The following NAALADL2 variants were observed in gnomAD, a reference collection of about 807,000 sequenced individuals.
The protein encoded by NAALADL2 is N-acetylated alpha-linked acidic dipeptidase like 2, also known as inactive N-acetylated-alpha-linked acidic dipeptidase-like protein 2.
A neutral mutation model predicts 87.2 loss-of-function variants in NAALADL2; 76 were observed. That is an observed-to-expected ratio of 0.87 (90% CI 0.72 to 1.05). The LOEUF (loss-of-function observed/expected upper bound fraction) is 1.05. Among genes scored for constraint, NAALADL2 ranks in the 50% least tolerant of loss-of-function variants. The pLI, the probability that NAALADL2 is intolerant of heterozygous loss-of-function variation, is 0.00. For missense variants in NAALADL2, 1,089 were observed against 945.8 expected, an observed-to-expected ratio of 1.15 and a Z score of -1.99; for synonymous variants, 354 against 331.0, an observed-to-expected ratio of 1.07 and a Z score of -0.75.
intron 5 of NAALADL2, among the ~76,000 whole-genome samples, chr3:175,346,687 G>A (rs1164444930): frequency 2.0e-5 from 3 of 152,060 alleles, no homozygotes; most frequent in South Asian, 2.1e-4. Flanking sequence ...TGTGTGCTAC[G>A]CTTAAAATCA....
At chr3:175,263,571 G>A (rs1366191687) in intron 4 of NAALADL2, among the ~76,000 whole-genome samples, 1 of 151,834 alleles carries the variant, frequency 6.6e-6, no homozygotes, top group Non-Finnish European at 1.5e-5. Flanking sequence ...GTATCAGAAG[G>A]TTGATTTTCG....
chr3:175,704,846 G>C (rs1739458887), intron 11 of NAALADL2, among the ~76,000 whole-genome samples: 1 of 152,172 alleles, frequency 6.6e-6, no homozygotes, highest in African/African-American at 2.4e-5. Context: ...TTGAAGTCCA[G>C]GGTCTGTGAG....
chr3:175,689,471 A>G (rs912797907), intron 11 of NAALADL2, among the ~76,000 whole-genome samples: 1 of 152,182 alleles, frequency 6.6e-6, no homozygotes, highest in Admixed American at 6.6e-5. Flanking sequence ...AATAATTCCT[A>G]TAATTGATGA....
At chr3:175,316,776 G>C (rs890088615) in intron 4 of NAALADL2, among the ~76,000 whole-genome samples, 6 of 152,122 alleles carry the variant, frequency 3.9e-5, no homozygotes, top group African/African-American at 1.4e-4. Flanking sequence ...CCCAACCTCA[G>C]CATGTTCAAA....
chr3:175,605,060 A>G (rs1342277788), intron 10 of NAALADL2, among the ~76,000 whole-genome samples: 1 of 152,164 alleles, frequency 6.6e-6, no homozygotes, highest in Non-Finnish European at 1.5e-5. Context: ...TTCTCTAGCT[A>G]TTCCTTTATG....
intron 9 of NAALADL2, among the ~76,000 whole-genome samples, chr3:175,527,652 A>G (rs531212234): frequency 1.3e-5 from 2 of 152,324 alleles, no homozygotes; most frequent in South Asian, 2.1e-4. Flanking sequence ...GTTGAGTGCC[A>G]TTTTAAAATA....
At chr3:175,770,123 C>T (rs1749288468) in intron 13 of NAALADL2, among the ~76,000 whole-genome samples, 2 of 152,116 alleles carry the variant, frequency 1.3e-5, no homozygotes, top group Non-Finnish European at 2.9e-5. Context: ...AGTGTTTGAA[C>T]AAACAACTGG....
intron 2 of NAALADL2, among the ~76,000 whole-genome samples, chr3:175,119,512 G>A (rs1260360482): frequency 6.6e-6 from 1 of 151,138 alleles, no homozygotes; most frequent in Non-Finnish European, 1.5e-5. Flanking sequence ...GAGGTGGGAA[G>A]AGAGGCAGAG....
chr3:174,610,411 A>G (rs1398696883), intron 2 of NAALADL2, among the ~76,000 whole-genome samples: 1 of 151,578 alleles, frequency 6.6e-6, no homozygotes, highest in African/African-American at 2.4e-5. Flanking sequence ...TTCGCAACCT[A>G]CTCATCTGAC....
Position 175,652,479 on chromosome 3 carries a change from CTTTT to C in NAALADL2, c.1896+25107_1896+25110del, listed in dbSNP as rs771774912. The stretch of plus-strand genomic sequence containing the variant: ...TAGGACTGTTTATTTTCTTTTCTTT[CTTTT>C]TTTTTTTTTTTTTGAGATGGAGTCT... On this transcript the variant is annotated intron_variant, in intron 11 of 13. Transcript: ENST00000454872. Among the ~76,000 whole-genome samples, 8 of 132,388 alleles carry C rather than the reference CTTTT, an allele frequency of 6.0e-5. No homozygotes were observed. The South Asian group carries it at 1.4e-3, about 24-fold the overall frequency. 86.9% of individuals were successfully genotyped at this position (132,388 alleles called of 152,430 possible).
intron 1 of NAALADL2, among the ~76,000 whole-genome samples, chr3:174,919,972 T>A (rs1335807803): frequency 2.6e-5 from 4 of 152,142 alleles, no homozygotes; most frequent in African/African-American, 9.7e-5. Context: ...TACATTGAAA[T>A]AAATAGTTTT....
chr3:174,809,692 G>A (rs1227711413), intron 3 of NAALADL2, among the ~76,000 whole-genome samples: 2 of 151,930 alleles, frequency 1.3e-5, no homozygotes, highest in Non-Finnish European at 1.5e-5. Context: ...GTAAATAGAT[G>A]ATATTTAAGT....
At chr3:175,080,965 C>T (rs4453850) in intron 1 of NAALADL2, 76,368 of 151,954 alleles carry the variant, frequency 0.5, 20,270 homozygotes, top group African/African-American at 0.69. Context: ...ATATTAAGTA[C>T]GTAAGGGCAA....
At chr3:175,468,782 A>AAGTTT (rs1216770269) in intron 8 of NAALADL2, among the ~76,000 whole-genome samples, 1 of 152,034 alleles carries the variant, frequency 6.6e-6, no homozygotes. Context: ...TTTTATTAAA[A>AAGTTT]AGTTTAGTTG....
At chr3:175,767,969 C>T (rs767935251) in intron 13 of NAALADL2, among the ~76,000 whole-genome samples, 2 of 152,130 alleles carry the variant, frequency 1.3e-5, no homozygotes, top group Non-Finnish European at 2.9e-5. Context: ...TACTGCACTT[C>T]GAAAAATGTT....
chr3:175,027,639 A>G (rs1197879236), intron 1 of NAALADL2, among the ~76,000 whole-genome samples: 1 of 152,134 alleles, frequency 6.6e-6, no homozygotes, highest in African/African-American at 2.4e-5. Context: ...TCTCTGTCTC[A>G]TCAATAGAAG....
chr3:174,677,921 G>C (rs1174436273), intron 2 of NAALADL2, among the ~76,000 whole-genome samples: 1 of 151,752 alleles, frequency 6.6e-6, no homozygotes. Context: ...TCAATAAATA[G>C]ACTACAAAAA....
At chr3:175,292,262 A>ATAAC (rs1755728852) in intron 4 of NAALADL2, among the ~76,000 whole-genome samples, 1 of 152,210 alleles carries the variant, frequency 6.6e-6, no homozygotes, top group Admixed American at 6.5e-5. Flanking sequence ...AACCCAGCAA[A>ATAAC]TAACTTTTAA....
At chr3:175,423,314 G>A (rs1311021379) in intron 5 of NAALADL2, among the ~76,000 whole-genome samples, 1 of 145,094 alleles carries the variant, frequency 6.9e-6, no homozygotes, top group African/African-American at 2.6e-5. Context: ...AGTGCACAAC[G>A]TGCAGATTTG....
Sources: allele counts gnomAD v4.1 joint callset (sites outside exome capture counted in the v4.1 genomes callset), GRCh38; gene constraint gnomAD v4.1.1; transcripts MANE v1.5; gene names NCBI Gene and HGNC (gene_info 2026-07-23, HGNC 2026-07-21).